The following RAD17 variants were observed in gnomAD, a reference collection of about 807,000 sequenced individuals.
RAD17 encodes the protein cell cycle checkpoint protein RAD17.
In RAD17, 31 loss-of-function variants were observed where a neutral mutation model predicts 81.5. The ratio of observed to expected loss-of-function variants is 0.38; its 90% confidence interval spans 0.29 to 0.51. The LOEUF is 0.51. Ranked by LOEUF, RAD17 falls within the 20% of genes least tolerant of loss-of-function variation. RAD17 has a pLI of 0.88. For synonymous variants in RAD17, 261 were observed against 266.2 expected, an observed-to-expected ratio of 0.98 and a Z score of 0.19; for missense variants, 681 against 781.2, an observed-to-expected ratio of 0.87 and a Z score of 1.53.
intron 6 of RAD17, among the ~76,000 whole-genome samples, chr5:69,377,115 T>G (rs1382175601): frequency 6.6e-6 from 1 of 152,054 alleles, no homozygotes. Flanking sequence ...CCTTTTGGTT[T>G]AGGGCTAAGA....
At chr5:69,398,604 G>A (rs199704459) in intron 16 of RAD17, among the ~76,000 whole-genome samples, 35 of 151,920 alleles carry the variant, frequency 2.3e-4, no homozygotes, top group Admixed American at 7.9e-4. Flanking sequence ...TCAGGAGTTC[G>A]AGACCAGCCT....
intron 16 of RAD17, among the ~76,000 whole-genome samples, chr5:69,397,582 A>G (rs1444015771): frequency 6.6e-6 from 1 of 152,156 alleles, no homozygotes; most frequent in African/African-American, 2.4e-5. Context: ...TGGTCAACAT[A>G]GTGAGATCCC....
intron 1 of RAD17, 188 bp from the exon 2 acceptor site, chr5:69,370,847 A>C (rs981026097): frequency 4.6e-6 from 1 of 216,172 alleles, no homozygotes; most frequent in Non-Finnish European, 9.5e-6. Flanking sequence ...ATACTTTCCA[A>C]TGTATAAGTT....
At chr5:69,394,691 C>G (rs1764773814) in intron 15 of RAD17, among the ~76,000 whole-genome samples, 1 of 152,108 alleles carries the variant, frequency 6.6e-6, no homozygotes, top group African/African-American at 2.4e-5. Flanking sequence ...AGCCCAGATA[C>G]AAAACATTTC....
At chr5:69,388,173 C>T (rs1764332250) in intron 11 of RAD17, among the ~76,000 whole-genome samples, 2 of 147,624 alleles carry the variant, frequency 1.4e-5, no homozygotes, top group Admixed American at 6.8e-5. Context: ...TATAGTAAGA[C>T]CTTGTGTCAA....
intron 6 of RAD17, among the ~76,000 whole-genome samples, chr5:69,380,079 C>G (rs1470265243): frequency 6.6e-6 from 1 of 152,032 alleles, no homozygotes; most frequent in African/African-American, 2.4e-5. Context: ...TGGGGTTTCT[C>G]CATGTTGGCC....
upstream of RAD17, chr5:69,369,421 C>T: frequency 6.2e-7 from 1 of 1,602,376 alleles, no homozygotes; most frequent in Non-Finnish European, 8.5e-7. Flanking sequence ...TCTGCGCCCC[C>T]AGCCTGCCCC....
intron 17 of RAD17, among the ~76,000 whole-genome samples, chr5:69,408,455 C>A (rs568443551): frequency 1.4e-5 from 2 of 147,276 alleles, no homozygotes; most frequent in Non-Finnish European, 3.0e-5. Context: ...CCTGATATGT[C>A]TGTATAGCTC....
chr5:69,400,552 C>G (rs1030644146), intron 17 of RAD17, among the ~76,000 whole-genome samples: 2 of 151,758 alleles, frequency 1.3e-5, no homozygotes, highest in Non-Finnish European at 2.9e-5. Flanking sequence ...TTTTGTGGGC[C>G]AATTTATTGC....
At chr5:69,389,329 G>A (rs530951803) in intron 12 of RAD17, among the ~76,000 whole-genome samples, 184 bp downstream of exon 12, 11 of 152,140 alleles carry the variant, frequency 7.2e-5, no homozygotes, top group South Asian at 6.2e-4. Context: ...TGAATATGTC[G>A]TAGTATATAT....
At chr5:69,371,380 T>C (rs1356362641) in intron 2 of RAD17, 74 bp from the exon 3 acceptor site, 3 of 506,086 alleles carry the variant, frequency 5.9e-6, no homozygotes, top group Non-Finnish European at 1.1e-5. Flanking sequence ...ATTATATCAG[T>C]ATACATTTAT....
chr5:69,371,575 G>A lies in RAD17; in HGVS notation c.-176+18G>A. 1.5e-6 allele frequency: 2 copies of A among 1,347,002 alleles called. No homozygotes were observed. The highest frequency in any genetic ancestry group is 2.0e-6 in the Non-Finnish European group (2 of 1,021,778). 83.4% of individuals were successfully genotyped at this position (1,347,002 alleles called of 1,614,324 possible). ...CCACAAAGGTATGATACACTGGAAT[G>A]GCCATGTAATAATTGCCTTAAAATA... On this transcript the variant is annotated intron_variant, in intron 3 of 18. Transcript: ENST00000354868.
intron 6 of RAD17, among the ~76,000 whole-genome samples, chr5:69,376,174 T>C (rs528311394): frequency 6.6e-6 from 1 of 152,228 alleles, no homozygotes; most frequent in Non-Finnish European, 1.5e-5. Context: ...ATCTTCATTG[T>C]AGAGTAACTT....
intron 4 of RAD17, 120 bp from the exon 5 acceptor site, chr5:69,373,710 T>TAGTTTTAAAGGTTATAAATATA: frequency 4.0e-6 from 2 of 495,418 alleles, no homozygotes; most frequent in Admixed American, 5.4e-5. Context: ...TTTTTTTTTT[T>TAGTTTTAAAGGTTATAAATATA]TTTTTTAAGT....
chr5:69,376,878 C>T (rs1457258770), intron 6 of RAD17, among the ~76,000 whole-genome samples: 2 of 152,060 alleles, frequency 1.3e-5, no homozygotes, highest in African/African-American at 2.4e-5. Flanking sequence ...CTCAGCCTCC[C>T]GAGTAGCTGG....
chr5:69,405,089 C>T lies in RAD17; in HGVS notation c.1693+4920C>T, dbSNP rs78184399. ...ATCATATTACACCAGTTAGAATGGC[C>T]GTTACCAAAAGATAAATGATAACAA... is the stretch of plus-strand genomic sequence containing the variant. On this transcript the variant is annotated intron_variant, in intron 17 of 18. Coordinates refer to ENST00000354868, the MANE Select transcript of RAD17 (RefSeq NM_133338.3). Among the ~76,000 whole-genome samples the T allele has an allele frequency of 3.2e-3, 486 of 152,228 alleles. 3 individuals are homozygous for T. The highest frequency in any genetic ancestry group is 0.011 in the African/African-American group (458 of 41,540).
In RAD17 at chr5:69,410,965, C is replaced by CCA. The variant is rs1554044687; in HGVS notation, c.1751+415_1751+416insCA. On this transcript the variant is annotated intron_variant, in intron 18 of 18. Transcript: ENST00000354868. ...AAACAAGCAAAAAATAGATGTCTGT[C>CCA]TATATATATATATATATATATATAT... 7.9e-3 allele frequency among the ~76,000 whole-genome samples: 710 copies of CCA among 90,242 alleles called. 24 individuals are homozygous for CCA. Among genetic ancestry groups the CCA allele is most frequent in the Middle Eastern group, 0.013 (2 of 152 alleles). The allele number at this position is 90,242 out of a possible 152,430, so 59.2% of individuals were successfully genotyped here. A position where few individuals can be genotyped will look rare whatever the true frequency, so the allele number is the denominator to read the frequency against.
rs368858271 is a variant in RAD17 at position 69,377,638 on chromosome 5, C to CAT, written c.351+2936_351+2937dup. On this transcript the variant is annotated intron_variant, in intron 6 of 18. Transcript: ENST00000354868. ...ACATATATATGCATATATATGTATA[C>CAT]ATATATATATGCATATATATATGTA... Among the ~76,000 whole-genome samples, 6 of 5,932 alleles carry CAT rather than the reference C, an allele frequency of 1.0e-3. 1 individual carries two copies. The highest frequency in any genetic ancestry group is 0.012 in the East Asian group (2 of 166). 3.9% of individuals were successfully genotyped at this position (5,932 alleles called of 152,430 possible).
Position 69,414,389 on chromosome 5 carries a change from A to G in RAD17, c.*97A>G, listed in dbSNP as rs1766248735. ...TTAATATGCTTTTCTGATGAATTAC[A>G]CAACAGTTTGTTAATTCTTCATTCT... On this transcript the variant is annotated 3_prime_UTR_variant, in exon 19 of 19. Coordinates refer to ENST00000354868, the MANE Select transcript of RAD17 (RefSeq NM_133338.3). 1 of 1,308,680 alleles carries G rather than the reference A, an allele frequency of 7.6e-7. No homozygotes were observed. Among genetic ancestry groups the G allele is most frequent in the African/African-American group, 1.5e-5 (1 of 67,394 alleles). The allele number at this position is 1,308,680 out of a possible 1,614,324, so 81.1% of individuals were successfully genotyped here.
Sources: allele counts gnomAD v4.1 joint callset (sites outside exome capture counted in the v4.1 genomes callset), GRCh38; gene constraint gnomAD v4.1.1; transcripts MANE v1.5; gene names NCBI Gene and HGNC (gene_info 2026-07-23, HGNC 2026-07-21).